The following NCK2 variants were observed in gnomAD, a reference collection of about 807,000 sequenced individuals.
The protein encoded by NCK2 is cytoplasmic protein NCK2.
NCK2 carries 16 observed loss-of-function variants against 33.9 expected under a neutral mutation model. That is an observed-to-expected ratio of 0.47 (90% CI 0.32 to 0.72). NCK2 has a LOEUF of 0.72. Among genes scored for constraint, NCK2 ranks in the 30% least tolerant of loss-of-function variants. The pLI is 0.03. For missense variants in NCK2, 418 were observed against 537.3 expected (o/e 0.78, Z 2.19); for synonymous variants, 273 against 239.9 (o/e 1.14, Z -1.27).
At chr2:105,892,451 T>C (rs1442899682) in intron 4 of NCK2, among the ~76,000 whole-genome samples, 1 of 152,184 alleles carries the variant, frequency 6.6e-6, no homozygotes, top group Admixed American at 6.5e-5. Flanking sequence ...GAAACTGGGC[T>C]AAGCAGAATT....
intron 1 of NCK2, among the ~76,000 whole-genome samples, chr2:105,751,993 CTA>C (rs1411516741): frequency 2.6e-5 from 4 of 152,178 alleles, no homozygotes; most frequent in African/African-American, 4.8e-5. Context: ...TATATAAACT[CTA>C]TGTGTAATCA....
chr2:105,815,841 G>A (rs1226202560), intron 1 of NCK2, among the ~76,000 whole-genome samples: 1 of 152,196 alleles, frequency 6.6e-6, no homozygotes, highest in Non-Finnish European at 1.5e-5. Flanking sequence ...TCTCAGACTG[G>A]CCACCTTTCC....
intron 3 of NCK2, 40 bp from the exon 4 acceptor site, chr2:105,881,288 C>A: frequency 6.5e-7 from 1 of 1,542,986 alleles, no homozygotes; most frequent in Non-Finnish European, 8.7e-7. Flanking sequence ...TGGTGGTGCC[C>A]AAGTGCCCTG....
At chr2:105,790,943 T>A (rs930168707) in intron 1 of NCK2, among the ~76,000 whole-genome samples, 1 of 152,156 alleles carries the variant, frequency 6.6e-6, no homozygotes, top group African/African-American at 2.4e-5. Flanking sequence ...CCCTCCCCTT[T>A]ATATCACAGA....
intron 1 of NCK2, among the ~76,000 whole-genome samples, chr2:105,750,989 G>A (rs1170082180): frequency 1.3e-5 from 2 of 152,176 alleles, no homozygotes; most frequent in Non-Finnish European, 2.9e-5. Context: ...CCTGAGCGTG[G>A]CTGGAATGTT....
intron 4 of NCK2, among the ~76,000 whole-genome samples, chr2:105,884,394 G>A (rs1205182387): frequency 6.6e-6 from 1 of 152,194 alleles, no homozygotes; most frequent in Non-Finnish European, 1.5e-5. Flanking sequence ...AGGATGGAAA[G>A]GTTTCTGAGG....
intron 1 of NCK2, among the ~76,000 whole-genome samples, chr2:105,753,141 T>G (rs1044790645): frequency 3.3e-5 from 5 of 152,230 alleles, no homozygotes; most frequent in Non-Finnish European, 1.5e-5. Context: ...TGTAAACTTT[T>G]ATTATGGTGT....
intron 2 of NCK2, among the ~76,000 whole-genome samples, chr2:105,841,353 TTGAA>T (rs1192322144): frequency 2.0e-5 from 3 of 152,192 alleles, no homozygotes; most frequent in Admixed American, 2.0e-4. Flanking sequence ...ACTTCTGTGA[TTGAA>T]TGTCTACCTC....
chr2:105,832,887 T>C (rs964140870), intron 2 of NCK2, among the ~76,000 whole-genome samples: 1 of 151,768 alleles, frequency 6.6e-6, no homozygotes, highest in Non-Finnish European at 1.5e-5. Context: ...TTTGTTTCGT[T>C]TTGTTTTGTT....
chr2:105,821,047 G>A (rs1470648251), intron 2 of NCK2, among the ~76,000 whole-genome samples: 1 of 152,186 alleles, frequency 6.6e-6, no homozygotes, highest in Non-Finnish European at 1.5e-5. Context: ...CATTGAGCCT[G>A]TCACTCTTAC....
At chr2:105,879,044 A>G (rs560709917) in intron 3 of NCK2, among the ~76,000 whole-genome samples, 6 of 152,366 alleles carry the variant, frequency 3.9e-5, no homozygotes, top group Admixed American at 1.3e-4. Flanking sequence ...AAGTGTCTTT[A>G]TAACGTATTG....
chr2:105,820,127 G>A (rs566152199), intron 2 of NCK2, among the ~76,000 whole-genome samples: 10 of 152,312 alleles, frequency 6.6e-5, no homozygotes, highest in Admixed American at 2.6e-4. Context: ...AAAGAATGAG[G>A]AGACGTGTAC....
chr2:105,745,557 G>A (rs1689254144), intron 1 of NCK2, among the ~76,000 whole-genome samples: 1 of 152,132 alleles, frequency 6.6e-6, no homozygotes, highest in South Asian at 2.1e-4. Context: ...CGGTGGCCAG[G>A]GTCGCCAGGG....
chr2:105,819,446 A>G (rs1171978888), intron 2 of NCK2, among the ~76,000 whole-genome samples: 6 of 152,216 alleles, frequency 3.9e-5, no homozygotes, highest in African/African-American at 7.2e-5. Context: ...TAGAAATGAC[A>G]GATCTTCTGA....
chr2:105,853,294 TTTTA>T (rs1677134765), intron 2 of NCK2, among the ~76,000 whole-genome samples: 1 of 152,242 alleles, frequency 6.6e-6, no homozygotes, highest in Non-Finnish European at 1.5e-5. Context: ...TGATTATTTA[TTTTA>T]TTTATTCAGC....
intron 1 of NCK2, among the ~76,000 whole-genome samples, chr2:105,803,307 C>T (rs1215100449): frequency 1.3e-5 from 2 of 152,060 alleles, no homozygotes; most frequent in Admixed American, 6.5e-5. Flanking sequence ...TTTATAGGCA[C>T]GTTTTCTTGC....
intron 1 of NCK2, among the ~76,000 whole-genome samples, chr2:105,792,865 T>G (rs900404828): frequency 3.9e-5 from 6 of 152,132 alleles, no homozygotes; most frequent in Non-Finnish European, 5.9e-5. Context: ...GGTTGCAAAG[T>G]GATGATTTTC....
In NCK2 at chr2:105,893,164, G is replaced by A. The variant is rs760411606; in HGVS notation, c.1131G>A (p.Arg377=). ...SEHGEKLYLV[R]ALQ Reference sequence around the variant, plus strand: ...ACGGGGAGAAGCTCTACCTCGTCAGGGCCCTGCAGTGACGGCGCCCCGGCC... The same window carrying A: ...ACGGGGAGAAGCTCTACCTCGTCAGAGCCCTGCAGTGACGGCGCCCCGGCC... Residue 377 remains arginine, a synonymous_variant, in exon 5 of 5, where the codon AGG becomes AGA. Coordinates refer to ENST00000233154, the MANE Select transcript of NCK2 (RefSeq NM_003581.5). The A allele has an allele frequency of 8.1e-6, 13 of 1,600,978 alleles. No homozygotes were observed. The highest frequency in any genetic ancestry group is 3.3e-4 in the Middle Eastern group (2 of 6,034).
chr2:105,787,494 G>A lies in NCK2; in HGVS notation c.-200-28936G>A, dbSNP rs930768538. 3.3e-5 allele frequency among the ~76,000 whole-genome samples: 5 copies of A among 152,168 alleles called. No homozygotes were observed. The East Asian group carries it at 9.7e-4, about 29-fold the overall frequency. The stretch of plus-strand genomic sequence containing the variant: ...GGACATAGCGAGAAGGCAGCCATCG[G>A]CAAGCCAGAAAGTGGCCCCCATCAG... On this transcript the variant is annotated intron_variant, in intron 1 of 4. Transcript: ENST00000233154.
Sources: gnomAD v4.1 joint callset for allele counts (sites outside exome capture counted in the v4.1 genomes callset) on GRCh38, gnomAD v4.1.1 for gene constraint, MANE v1.5 for transcripts, NCBI Gene and HGNC (gene_info 2026-07-23, HGNC 2026-07-21) for gene names.